Variants in DENND1A observed in about 807,000 individuals in gnomAD.
DENND1A encodes the protein DENN domain containing 1A.
In DENND1A, 51 loss-of-function variants were observed where a neutral mutation model predicts 113.7. The observed-to-expected ratio is 0.45, with a 90% CI of 0.36 to 0.57. The LOEUF (loss-of-function observed/expected upper bound fraction) is 0.57, where lower values mean the gene tolerates loss of function less well. Ranked by LOEUF, DENND1A falls within the 20% of genes least tolerant of loss-of-function variation. The pLI is 0.00. For synonymous variants in DENND1A, 565 were observed against 570.8 expected, an observed-to-expected ratio of 0.99 and a Z score of 0.14; for missense variants, 1,258 against 1,395.9, an observed-to-expected ratio of 0.90 and a Z score of 1.57.
At chr9:123,524,812 A>C (rs2054681963) in intron 13 of DENND1A, among the ~76,000 whole-genome samples, 1 of 152,238 alleles carries the variant, frequency 6.6e-6, no homozygotes, top group Non-Finnish European at 1.5e-5. Context: ...ATTGGTGAGC[A>C]GACAGTGGTA....
At chr9:123,836,368 C>G (rs1841049527) in intron 2 of DENND1A, among the ~76,000 whole-genome samples, 1 of 152,068 alleles carries the variant, frequency 6.6e-6, no homozygotes, top group South Asian at 2.1e-4. Context: ...ACAGTGCAGC[C>G]AAGCTCACAC....
At chr9:123,722,541 C>A (rs1204986954) in intron 5 of DENND1A, among the ~76,000 whole-genome samples, 2 of 152,318 alleles carry the variant, frequency 1.3e-5, no homozygotes, top group Non-Finnish European at 2.9e-5. Context: ...AAAATGGTTT[C>A]ATGGGCTGAG....
intron 1 of DENND1A, among the ~76,000 whole-genome samples, chr9:123,894,749 T>C (rs1427133691): frequency 6.6e-6 from 1 of 152,216 alleles, no homozygotes; most frequent in Non-Finnish European, 1.5e-5. Flanking sequence ...TTTTCAAAAA[T>C]AATGGTGACA....
chr9:123,796,904 C>T (rs1833871283), intron 2 of DENND1A, among the ~76,000 whole-genome samples: 1 of 152,066 alleles, frequency 6.6e-6, no homozygotes, highest in African/African-American at 2.4e-5. Flanking sequence ...TCACTTTGTA[C>T]AAAACACGTT....
chr9:123,526,546 G>A (rs546858631), intron 13 of DENND1A, among the ~76,000 whole-genome samples: 1 of 152,156 alleles, frequency 6.6e-6, no homozygotes, highest in Non-Finnish European at 1.5e-5. Context: ...AATGCCCCGA[G>A]GGCTTGTCTG....
rs144359908 is a variant in DENND1A at position 123,827,608 on chromosome 9, G to A, written c.89-34978C>T. Among the ~76,000 whole-genome samples the A allele has an allele frequency of 9.7e-4, 148 of 152,048 alleles. 1 individual carries two copies. In the South Asian group the frequency reaches 0.012, roughly 12 times the overall value. On this transcript the variant is annotated intron_variant, in intron 2 of 23. Coordinates refer to ENST00000394215, the MANE Select transcript of DENND1A (RefSeq NM_001352964.2). ...AGGATATGGGCTGATTACTGAAGAG[G>A]CAACTAAGGGGCTCAAAGGTGATCA...
At chr9:123,913,562 T>C (rs1389648442) in intron 1 of DENND1A, among the ~76,000 whole-genome samples, 1 of 151,884 alleles carries the variant, frequency 6.6e-6, no homozygotes, top group East Asian at 1.9e-4. Flanking sequence ...GAAAAAAAGA[T>C]TTAAGAAACT....
intron 13 of DENND1A, among the ~76,000 whole-genome samples, chr9:123,494,860 C>T (rs2051721196): frequency 6.6e-6 from 1 of 152,018 alleles, no homozygotes; most frequent in Non-Finnish European, 1.5e-5. Flanking sequence ...GGTGCAATCT[C>T]AGCTCACTGC....
intron 2 of DENND1A, among the ~76,000 whole-genome samples, chr9:123,805,722 C>CT (rs1037859738): frequency 5.3e-5 from 8 of 152,112 alleles, no homozygotes; most frequent in African/African-American, 1.9e-4. Context: ...GTGGGAGCCA[C>CT]TGCACCATCC....
intron 1 of DENND1A, among the ~76,000 whole-genome samples, chr9:123,922,771 G>T (rs1293068945): frequency 6.6e-6 from 1 of 152,126 alleles, no homozygotes; most frequent in Non-Finnish European, 1.5e-5. Context: ...TTACTGATTT[G>T]TACATAACAG....
intron 9 of DENND1A, among the ~76,000 whole-genome samples, chr9:123,631,940 C>CTT (rs924525822): frequency 6.6e-6 from 1 of 152,166 alleles, no homozygotes; most frequent in Non-Finnish European, 1.5e-5. Flanking sequence ...ACACATATTT[C>CTT]TTTCTGTCTT....
chr9:123,554,031 T>C lies in DENND1A; in HGVS notation c.993+3539A>G, dbSNP rs143069366. Among the ~76,000 whole-genome samples, 595 of 152,280 alleles carry C rather than the reference T, an allele frequency of 3.9e-3. 1 individual carries two copies. The highest frequency in any genetic ancestry group is 0.014 in the African/African-American group (572 of 41,558). ...TCGGCTTCCCAAAGTGCTGGGATTA[T>C]AGGCGTGAGCCAATGAAGAGCAGGT... On this transcript the variant is annotated intron_variant, in intron 13 of 23. Transcript: ENST00000394215.
At chr9:123,442,543 C>T (rs1175549191) in intron 18 of DENND1A, among the ~76,000 whole-genome samples, 1 of 151,878 alleles carries the variant, frequency 6.6e-6, no homozygotes, top group African/African-American at 2.4e-5. Context: ...TGAACAAATT[C>T]ACTTTTGGTT....
In DENND1A at chr9:123,769,560, C is replaced by A; in HGVS notation, c.136G>T (p.Val46Phe). ...CAAAACTTGGTCAAAGTCTGTAGAA[C>A]TTCCTGTGGAGAGAAAGAGAGATAA... ...QFPEDYSDQE[V>F]LQTLTKFCFP... is the part of the protein sequence containing the mutation. The change falls in exon 4 of 24, where the codon GTT (valine) becomes TTT (phenylalanine). Residue 46 changes from valine (V) to phenylalanine (F), a missense_variant. Coordinates refer to ENST00000394215, the MANE Select transcript of DENND1A (RefSeq NM_001352964.2). 1 of 1,609,036 alleles carries A rather than the reference C, an allele frequency of 6.2e-7. No individual in the cohort carries two copies. The highest frequency in any genetic ancestry group is 1.3e-5 in the African/African-American group (1 of 74,808).
chr9:123,756,415 A>T (rs1340208362), intron 5 of DENND1A, among the ~76,000 whole-genome samples: 1 of 152,190 alleles, frequency 6.6e-6, no homozygotes, highest in East Asian at 1.9e-4. Context: ...AATGTAAATA[A>T]TCATTTACAT....
chr9:123,666,659 T>C (rs1049365867), intron 8 of DENND1A, among the ~76,000 whole-genome samples: 1 of 152,128 alleles, frequency 6.6e-6, no homozygotes, highest in African/African-American at 2.4e-5. Flanking sequence ...GAATATTAGA[T>C]AGTTGACAAA....
At chr9:123,661,884 A>C (rs2063256234) in intron 8 of DENND1A, among the ~76,000 whole-genome samples, 1 of 152,218 alleles carries the variant, frequency 6.6e-6, no homozygotes, top group Non-Finnish European at 1.5e-5. Context: ...GGAGAGAAAA[A>C]ACAAGAAAAT....
chr9:123,380,595 G>A lies in DENND1A; in HGVS notation c.*837C>T, dbSNP rs893589248. ...TCTCAGCTTTGCCCACAAAGCTCCA[G>A]ATGACAAGAGGCTGAGCCCCAGCTT... is the stretch of plus-strand genomic sequence containing the variant. On this transcript the variant is annotated 3_prime_UTR_variant, in exon 24 of 24. Coordinates refer to ENST00000394215, the MANE Select transcript of DENND1A (RefSeq NM_001352964.2). The A allele has an allele frequency of 6.6e-6, 1 of 152,472 alleles. No homozygotes were observed. Among genetic ancestry groups the A allele is most frequent in the African/African-American group, 2.4e-5 (1 of 41,476 alleles). The allele number at this position is 152,472 out of a possible 1,614,324, so 9.4% of individuals were successfully genotyped here. A position where few individuals can be genotyped will look rare whatever the true frequency, so the allele number is the denominator to read the frequency against.
chr9:123,515,097 C>A (rs1339995253), intron 13 of DENND1A, among the ~76,000 whole-genome samples: 1 of 152,214 alleles, frequency 6.6e-6, no homozygotes, highest in Non-Finnish European at 1.5e-5. Context: ...GCAAGAGAGA[C>A]TATCCTACAT....
Sources: gnomAD v4.1 joint callset for allele counts (sites outside exome capture counted in the v4.1 genomes callset) on GRCh38, gnomAD v4.1.1 for gene constraint, MANE v1.5 for transcripts, NCBI Gene and HGNC (gene_info 2026-07-23, HGNC 2026-07-21) for gene names.